The following WIPF1 variants were observed in gnomAD, a reference collection of about 807,000 sequenced individuals.
WIPF1 encodes the protein WAS/WASL interacting protein family member 1, also known as WAS/WASL-interacting protein family member 1.
Under a neutral mutation model 35.4 loss-of-function variants are expected in WIPF1, and 13 were observed. The observed-to-expected ratio is 0.37, with a 90% CI of 0.24 to 0.58. WIPF1 has a LOEUF of 0.58. Among genes scored for constraint, WIPF1 ranks in the 20% least tolerant of loss-of-function variants. The probability of loss-of-function intolerance (pLI) is 0.74; values close to 1 mark genes in which losing one functional copy is unlikely to be tolerated. For synonymous variants in WIPF1, 267 were observed against 266.3 expected, an observed-to-expected ratio of 1.00 and a Z score of -0.02; for missense variants, 591 against 667.0, an observed-to-expected ratio of 0.89 and a Z score of 1.25.
chr2:174,678,717 G>A (rs893488147), intron 1 of WIPF1, among the ~76,000 whole-genome samples: 2 of 152,262 alleles, frequency 1.3e-5, no homozygotes, highest in African/African-American at 2.4e-5. Flanking sequence ...CAGGAAAAGT[G>A]ACAAGTCTGG....
At position 174,568,372 on chromosome 2, in the gene WIPF1, G is replaced by A. The variant is rs920055194; in HGVS notation, c.1130-299C>T. ...AAAACAGGTGAAAATCTGTTTACAC[G>A]GACAACCGTATATTTAAAAAAACAT... is the stretch of plus-strand genomic sequence containing the variant. On this transcript the variant is annotated intron_variant, in intron 5 of 7. Coordinates refer to ENST00000679041, the MANE Select transcript of WIPF1 (RefSeq NM_001375834.1). Among the ~76,000 whole-genome samples the A allele has an allele frequency of 4.6e-5, 7 of 152,064 alleles. No homozygotes were observed. The East Asian group carries it at 5.8e-4, about 13-fold the overall frequency.
intron 1 of WIPF1, among the ~76,000 whole-genome samples, chr2:174,657,604 AT>A (rs1687670381): frequency 6.6e-6 from 1 of 152,206 alleles, no homozygotes; most frequent in African/African-American, 2.4e-5. Context: ...ACTTAAAAAA[AT>A]CAGAAGGCTG....
chr2:174,559,998 A>G lies in WIPF1; in HGVS notation c.*2549T>C, dbSNP rs1684443515. 6.6e-6 allele frequency: 1 copy of G among 152,648 alleles called. No individual in the cohort carries two copies. Among genetic ancestry groups the G allele is most frequent in the Non-Finnish European group, 1.5e-5 (1 of 68,026 alleles). 9.5% of individuals were successfully genotyped at this position (152,648 alleles called of 1,614,324 possible). On this transcript the variant is annotated 3_prime_UTR_variant, in exon 8 of 8. Transcript: ENST00000679041. ...AAATGCATAGTGAAATAAATACTGAACACTGAGTTTTAATACTGTAATACA... is the reference window on the plus strand; with the variant it reads ...AAATGCATAGTGAAATAAATACTGAGCACTGAGTTTTAATACTGTAATACA...
intron 7 of WIPF1, among the ~76,000 whole-genome samples, chr2:174,563,837 C>T (rs1684562011): frequency 6.6e-6 from 1 of 152,132 alleles, no homozygotes; most frequent in Non-Finnish European, 1.5e-5. Flanking sequence ...TTGATAGGGA[C>T]CCTACTGGTC....
At chr2:174,629,163 T>C (rs1398300230) in intron 1 of WIPF1, among the ~76,000 whole-genome samples, 2 of 152,136 alleles carry the variant, frequency 1.3e-5, no homozygotes, top group East Asian at 1.9e-4. Flanking sequence ...CAGTGTGCCA[T>C]GACTGTACCT....
intron 1 of WIPF1, among the ~76,000 whole-genome samples, chr2:174,594,320 T>G (rs1488905266): frequency 6.6e-6 from 1 of 152,184 alleles, no homozygotes; most frequent in Non-Finnish European, 1.5e-5. Flanking sequence ...GCTAGGAGCT[T>G]GGACACAATT....
intron 1 of WIPF1, among the ~76,000 whole-genome samples, chr2:174,654,466 G>A (rs542579020): frequency 6.6e-6 from 1 of 151,846 alleles, no homozygotes; most frequent in South Asian, 2.1e-4. Flanking sequence ...AAAGCTTTCA[G>A]AAAAAAAGGC....
chr2:174,624,880 C>T (rs1172764246), intron 1 of WIPF1, among the ~76,000 whole-genome samples: 2 of 152,136 alleles, frequency 1.3e-5, no homozygotes, highest in African/African-American at 2.4e-5. Context: ...GGCTGCTGCT[C>T]CCAAGGGCCC....
intron 1 of WIPF1, among the ~76,000 whole-genome samples, chr2:174,627,436 TTC>T (rs758155549): frequency 7.2e-4 from 105 of 145,282 alleles, no homozygotes; most frequent in Non-Finnish European, 9.1e-4. Context: ...TTTCTTTCCT[TTC>T]TCTTTCTTTC....
At chr2:174,579,572 C>T (rs1291284177) in intron 3 of WIPF1, among the ~76,000 whole-genome samples, 1 of 152,228 alleles carries the variant, frequency 6.6e-6, no homozygotes, top group Non-Finnish European at 1.5e-5. Flanking sequence ...AGGGCCTGCA[C>T]TGGACTGTAT....
chr2:174,613,745 G>A (rs1223799568), intron 1 of WIPF1, among the ~76,000 whole-genome samples: 1 of 152,078 alleles, frequency 6.6e-6, no homozygotes, highest in Non-Finnish European at 1.5e-5. Flanking sequence ...TAAGTAAGAA[G>A]GCAAACATGG....
chr2:174,673,812 A>T (rs1688070561), intron 1 of WIPF1: 1 of 138,316 alleles, frequency 7.2e-6, no homozygotes, highest in South Asian at 2.5e-4. Context: ...CTAACTTTGA[A>T]AACACTAATA....
intron 1 of WIPF1, chr2:174,630,717 A>C (rs1199618915): frequency 6.6e-6 from 1 of 152,182 alleles, no homozygotes; most frequent in Admixed American, 6.5e-5. Flanking sequence ...TACAGAGTAT[A>C]CATTAGTATT....
chr2:174,650,273 G>A (rs1687508214), intron 1 of WIPF1, among the ~76,000 whole-genome samples: 1 of 152,116 alleles, frequency 6.6e-6, no homozygotes, highest in South Asian at 2.1e-4. Context: ...CACCTTGCAG[G>A]TGTTTCCTGA....
chr2:174,641,505 C>A (rs1687292661), intron 1 of WIPF1, among the ~76,000 whole-genome samples: 1 of 152,206 alleles, frequency 6.6e-6, no homozygotes, highest in African/African-American at 2.4e-5. Flanking sequence ...AGCTAATGAA[C>A]CGCTGTTATT....
intron 7 of WIPF1, among the ~76,000 whole-genome samples, chr2:174,565,764 A>C (rs866074077): frequency 2.0e-5 from 3 of 152,138 alleles, no homozygotes; most frequent in African/African-American, 7.2e-5. Context: ...TGTTTGCTTA[A>C]GTTTTCTCTA....
chr2:174,600,912 CTTTTTTTT>C (rs1157973597), upstream of WIPF1, among the ~76,000 whole-genome samples: 30 of 65,432 alleles, frequency 4.6e-4, no homozygotes, highest in African/African-American at 1.4e-3. Context: ...CATAATGTTC[CTTTTTTTT>C]TTTTTTTTTT....
At chr2:174,640,224 G>A (rs780413582) in intron 1 of WIPF1, among the ~76,000 whole-genome samples, 8 of 151,386 alleles carry the variant, frequency 5.3e-5, no homozygotes, top group Non-Finnish European at 8.8e-5. Context: ...ACTTAACCAA[G>A]GTGAAAGAAG....
chr2:174,657,755 A>G (rs1292395995), intron 1 of WIPF1, among the ~76,000 whole-genome samples: 1 of 152,046 alleles, frequency 6.6e-6, no homozygotes, highest in African/African-American at 2.4e-5. Context: ...ATAAAAAAAT[A>G]AAAAATTAGC....
Sources: allele counts gnomAD v4.1 joint callset (sites outside exome capture counted in the v4.1 genomes callset), GRCh38; gene constraint gnomAD v4.1.1; transcripts MANE v1.5; gene names NCBI Gene and HGNC (gene_info 2026-07-23, HGNC 2026-07-21).